SORCS3: variants seen among roughly 807,000 people sequenced by gnomAD.
SORCS3 encodes the protein VPS10 domain-containing receptor SorCS3.
In SORCS3, 57 loss-of-function variants were observed where a neutral mutation model predicts 146.3. The observed-to-expected ratio is 0.39, with a 90% CI of 0.31 to 0.49. SORCS3 has a LOEUF of 0.49. SORCS3 is among the 20% of genes least tolerant of loss of function. The probability of loss-of-function intolerance (pLI) is 0.92; values close to 1 mark genes in which losing one functional copy is unlikely to be tolerated. For missense variants in SORCS3, 1,341 were observed against 1,575.5 expected (o/e 0.85, Z 2.52); for synonymous variants, 653 against 618.5 (o/e 1.06, Z -0.83).
chr10:105,111,853 GT>G (rs1221960307), intron 7 of SORCS3, among the ~76,000 whole-genome samples: 1 of 152,188 alleles, frequency 6.6e-6, no homozygotes, highest in African/African-American at 2.4e-5. Context: ...TACGAATTAA[GT>G]AGGTGAAGGA....
chr10:105,123,049 ATCT>A (rs773716381), intron 7 of SORCS3, among the ~76,000 whole-genome samples: 4 of 152,252 alleles, frequency 2.6e-5, no homozygotes, highest in Non-Finnish European at 5.9e-5. Flanking sequence ...GGGCTTCCAA[ATCT>A]TCTGTTGTTG....
At chr10:104,869,254 A>C (rs1339851891) in intron 2 of SORCS3, among the ~76,000 whole-genome samples, 1 of 152,288 alleles carries the variant, frequency 6.6e-6, no homozygotes, top group Non-Finnish European at 1.5e-5. Flanking sequence ...ACAATGTGTA[A>C]ATTTCAGCCT....
rs2056984241 is a variant in SORCS3, at chr10:105,265,129, T to C, written c.*1755T>C. 1 of 152,638 alleles carries C rather than the reference T, an allele frequency of 6.6e-6. No individual in the cohort carries two copies. Among genetic ancestry groups the C allele is most frequent in the African/African-American group, 2.4e-5 (1 of 41,438 alleles). 9.5% of individuals were successfully genotyped at this position (152,638 alleles called of 1,614,324 possible). Reference sequence around the variant, plus strand: ...ATGACTCATATCTATATATACAGTATATGTACATATACTGTTCTTGGTTTT... The same window carrying C: ...ATGACTCATATCTATATATACAGTACATGTACATATACTGTTCTTGGTTTT... On this transcript the variant is annotated 3_prime_UTR_variant, in exon 27 of 27. Transcript: ENST00000369701.
At chr10:104,754,531 A>AC (rs1465965057) in intron 1 of SORCS3, among the ~76,000 whole-genome samples, 1 of 151,838 alleles carries the variant, frequency 6.6e-6, no homozygotes, top group Admixed American at 6.6e-5. Flanking sequence ...GAAAAACTTT[A>AC]CCCCCCTGGC....
chr10:105,243,603 G>A (rs940823568), intron 20 of SORCS3, among the ~76,000 whole-genome samples: 14 of 152,266 alleles, frequency 9.2e-5, no homozygotes, highest in Non-Finnish European at 1.9e-4. Flanking sequence ...TCATCACCCA[G>A]TCATAAGTAT....
At chr10:104,995,012 A>G (rs557545063) in intron 4 of SORCS3, among the ~76,000 whole-genome samples, 1 of 152,250 alleles carries the variant, frequency 6.6e-6, no homozygotes, top group South Asian at 2.1e-4. Flanking sequence ...ATGTCAAACC[A>G]TTTCCTAAAG....
At chr10:104,827,632 G>A (rs920206907) in intron 1 of SORCS3, among the ~76,000 whole-genome samples, 6 of 152,256 alleles carry the variant, frequency 3.9e-5, no homozygotes, top group Non-Finnish European at 5.9e-5. Flanking sequence ...GGAATGGTAA[G>A]TGAGCACTGG....
Position 105,164,352 on chromosome 10 carries a change from C to T in SORCS3, c.1782C>T (p.Ser594=). ...LSYTDIGVFI[S]SDGGNTWRQI... ...ATACTGATATTGGTGTGTTCATCTCCTCCGATGGGGGCAACACATGGAGAC... is the reference window on the plus strand; with the variant it reads ...ATACTGATATTGGTGTGTTCATCTCTTCCGATGGGGGCAACACATGGAGAC... Residue 594 remains serine (S), a synonymous_variant, in exon 12 of 27, where the codon TCC becomes TCT. Transcript: ENST00000369701. 6.2e-7 allele frequency: 1 copy of T among 1,613,430 alleles called. No individual in the cohort carries two copies.
At chr10:105,214,692 C>A in intron 18 of SORCS3, 79 bp downstream of exon 18, 1 of 1,315,344 alleles carries the variant, frequency 7.6e-7, no homozygotes, top group Non-Finnish European at 1.0e-6. Context: ...ATCTTACATT[C>A]CCACAGACCC....
chr10:104,684,632 T>A (rs1001221868), intron 1 of SORCS3, among the ~76,000 whole-genome samples: 5 of 151,764 alleles, frequency 3.3e-5, no homozygotes, highest in African/African-American at 1.2e-4. Context: ...CTGTGGGCAG[T>A]TTTTTTTCAC....
At chr10:105,112,633 G>A (rs1448999729) in intron 7 of SORCS3, among the ~76,000 whole-genome samples, 2 of 152,164 alleles carry the variant, frequency 1.3e-5, no homozygotes, top group Non-Finnish European at 2.9e-5. Flanking sequence ...GGTACAAGAA[G>A]TCATAGAGCA....
chr10:105,183,389 C>A (rs968912695), intron 14 of SORCS3, among the ~76,000 whole-genome samples: 1 of 152,046 alleles, frequency 6.6e-6, no homozygotes, highest in African/African-American at 2.4e-5. Context: ...TTAAATGAAG[C>A]CTTTTCCACT....
intron 7 of SORCS3, among the ~76,000 whole-genome samples, chr10:105,128,670 C>T (rs2055993409): frequency 6.6e-6 from 1 of 152,134 alleles, no homozygotes; most frequent in African/African-American, 2.4e-5. Context: ...TCTAGCCCTT[C>T]CTTCTGTGCA....
chr10:105,050,749 G>T (rs2055404868), intron 5 of SORCS3, among the ~76,000 whole-genome samples: 1 of 152,086 alleles, frequency 6.6e-6, no homozygotes, highest in African/African-American at 2.4e-5. Context: ...ATTATTAAGA[G>T]ATAACCAATA....
intron 9 of SORCS3, among the ~76,000 whole-genome samples, chr10:105,148,266 GTTTTTCTAAGAT>G (rs2056146084): frequency 2.0e-5 from 3 of 152,050 alleles, no homozygotes; most frequent in African/African-American, 7.2e-5. Context: ...GGGAATGAGA[GTTTTTCTAAGAT>G]TCCACCAGAT....
intron 1 of SORCS3, among the ~76,000 whole-genome samples, chr10:104,712,295 A>G (rs2016427721): frequency 6.6e-6 from 1 of 152,296 alleles, no homozygotes; most frequent in Admixed American, 6.5e-5. Flanking sequence ...GCCAGAGCCC[A>G]ATTCTAGTTG....
At chr10:104,710,097 T>C (rs1053334403) in intron 1 of SORCS3, among the ~76,000 whole-genome samples, 1 of 152,200 alleles carries the variant, frequency 6.6e-6, no homozygotes, top group Non-Finnish European at 1.5e-5. Flanking sequence ...ATTAATTTTG[T>C]TGCAACTCTT....
chr10:105,021,210 A>G lies in SORCS3; in HGVS notation c.955-21845A>G, dbSNP rs571562725. 1.7e-3 allele frequency among the ~76,000 whole-genome samples: 257 copies of G among 152,280 alleles called. 1 individual carries two copies. Among genetic ancestry groups the G allele is most frequent in the Non-Finnish European group, 2.0e-3 (133 of 68,024 alleles). ...CATGGTTCTAGCTGCTGGAAAGTCC[A>G]AGACTGAGGGGCCAGCATTGGGAGA... is the stretch of plus-strand genomic sequence containing the variant. On this transcript the variant is annotated intron_variant, in intron 4 of 26. Transcript: ENST00000369701.
chr10:104,726,145 A>G (rs1262332089), intron 1 of SORCS3, among the ~76,000 whole-genome samples: 1 of 152,218 alleles, frequency 6.6e-6, no homozygotes, highest in South Asian at 2.1e-4. Context: ...AGGTCTTTAA[A>G]GTAAACAAGT....
Sources: allele counts gnomAD v4.1 joint callset (sites outside exome capture counted in the v4.1 genomes callset), GRCh38; gene constraint gnomAD v4.1.1; transcripts MANE v1.5; gene names NCBI Gene and HGNC (gene_info 2026-07-23, HGNC 2026-07-21).